Variants in CASK observed in about 807,000 individuals in gnomAD.
The protein encoded by CASK is peripheral plasma membrane protein CASK.
Under a neutral mutation model 82.9 loss-of-function variants are expected in CASK, and 4 were observed. The ratio of observed to expected loss-of-function variants is 0.05; its 90% CI spans 0.02 to 0.11. CASK has a LOEUF of 0.11. Among genes scored for constraint, CASK ranks in the 10% least tolerant of loss-of-function variants. The pLI is 1.00. For synonymous variants in CASK, 259 were observed against 253.5 expected (o/e 1.02, Z -0.20); for missense variants, 358 against 720.9 (o/e 0.50, Z 5.76).
At chrX:41,699,963 T>C (rs1266263587) in intron 5 of CASK, among the ~76,000 whole-genome samples, 2 of 112,138 alleles carry the variant, frequency 1.8e-5, no homozygotes, top group East Asian at 2.8e-4. Flanking sequence ...ACCCAAGGTT[T>C]AGTTCTAGAA....
chrX:41,745,633 A>G (rs1182666067), intron 3 of CASK, 32 bp from the exon 4 acceptor site: 1 of 1,009,262 alleles, frequency 9.9e-7, no homozygotes, highest in South Asian at 1.9e-5. Context: ...AACATAAGAA[A>G]AGAGGAAATT....
intron 17 of CASK, among the ~76,000 whole-genome samples, chrX:41,561,235 G>C (rs748125945): frequency 4.5e-5 from 5 of 111,019 alleles, no homozygotes; most frequent in Non-Finnish European, 9.4e-5. Flanking sequence ...CAGGAGAGTT[G>C]AGGTCAGTGA....
intron 1 of CASK, among the ~76,000 whole-genome samples, chrX:41,912,570 C>T (rs984567943): frequency 9.3e-6 from 1 of 107,737 alleles, no homozygotes; most frequent in Non-Finnish European, 1.9e-5. Context: ...AGCCTTCCAA[C>T]GTGCTGGGAT....
Position 41,609,901 on chromosome X carries a change from T to C in CASK, c.1155+3A>G. 8.3e-7 allele frequency: 1 copy of C among 1,209,281 alleles called. No individual in the cohort carries two copies. Among genetic ancestry groups the C allele is most frequent in the Non-Finnish European group, 1.1e-6 (1 of 893,507 alleles). On this transcript the variant is annotated splice_donor_region_variant and intron_variant, in intron 12 of 26. Coordinates refer to ENST00000378163, the MANE Select transcript of CASK (RefSeq NM_001367721.1). The stretch of plus-strand genomic sequence containing the variant: ...AAGAAGAATAATAAAAAGACAGACT[T>C]ACATCTAGTAGTGTGTGAAGATGCT...
chrX:41,670,719 C>T (rs913210124), intron 6 of CASK, among the ~76,000 whole-genome samples: 7 of 109,701 alleles, frequency 6.4e-5, no homozygotes, highest in African/African-American at 1.7e-4. Flanking sequence ...TGCCACTGTG[C>T]GCTCCAGCCT....
intron 5 of CASK, among the ~76,000 whole-genome samples, chrX:41,725,293 T>TG (rs1431867226): frequency 9.0e-6 from 1 of 111,491 alleles, no homozygotes; most frequent in Non-Finnish European, 1.9e-5. Flanking sequence ...ATATCATATT[T>TG]GAAAAAAAAC....
chrX:41,710,081 T>TTGTGTG (rs57963407), intron 5 of CASK, among the ~76,000 whole-genome samples: 12,338 of 71,956 alleles, frequency 0.17, 1,063 homozygotes, highest in Non-Finnish European at 0.19. Flanking sequence ...GGTATAGATT[T>TTGTGTG]TGTGTGTGTG....
intron 5 of CASK, chrX:41,728,201 AAC>A (rs2068303707): frequency 5.6e-6 from 2 of 354,351 alleles, no homozygotes; most frequent in African/African-American, 5.3e-5. Context: ...AAACTCAAAA[AAC>A]AGTTATACTG....
intron 25 of CASK, among the ~76,000 whole-genome samples, chrX:41,525,629 C>T (rs145764238): frequency 0.011 from 1,273 of 111,230 alleles, 18 homozygotes; most frequent in African/African-American, 0.04. Flanking sequence ...CCCAATATGG[C>T]ACCCAGCATA....
intron 3 of CASK, among the ~76,000 whole-genome samples, chrX:41,776,435 A>T (rs2069366724): frequency 8.8e-6 from 1 of 113,012 alleles, no homozygotes; most frequent in South Asian, 3.6e-4. Flanking sequence ...AAATAAGCAG[A>T]GATAACTGCC....
intron 3 of CASK, among the ~76,000 whole-genome samples, chrX:41,749,041 T>C (rs2068742465): frequency 9.0e-6 from 1 of 111,244 alleles, no homozygotes; most frequent in African/African-American, 3.3e-5. Context: ...TCTCAGCGCT[T>C]TGGGAGGCCG....
intron 5 of CASK, among the ~76,000 whole-genome samples, chrX:41,674,333 T>TA (rs1361589800): frequency 9.0e-6 from 1 of 110,915 alleles, no homozygotes; most frequent in Non-Finnish European, 1.9e-5. Context: ...GACAGAAGGC[T>TA]AAAAAAGGAA....
At chrX:41,570,098 G>A (rs1410284869) in intron 15 of CASK, among the ~76,000 whole-genome samples, 1 of 104,867 alleles carries the variant, frequency 9.5e-6, no homozygotes, top group African/African-American at 3.5e-5. Context: ...CACCTCCAGG[G>A]TTCAAGTGAT....
intron 1 of CASK, among the ~76,000 whole-genome samples, chrX:41,921,577 C>T (rs1016908140): frequency 1.8e-5 from 2 of 111,224 alleles, no homozygotes; most frequent in Non-Finnish European, 3.8e-5. Flanking sequence ...TTTAACAGGA[C>T]ACATTTGGAT....
chrX:41,609,853 G>A (rs374545811), intron 12 of CASK, 51 bp downstream of exon 12: 32 of 1,190,047 alleles, frequency 2.7e-5, no homozygotes, highest in Admixed American at 4.4e-5. Flanking sequence ...CACCGTGCCC[G>A]GCCAATATTC....
At chrX:41,527,100 C>A (rs2064723867) in intron 25 of CASK, among the ~76,000 whole-genome samples, 1 of 111,224 alleles carries the variant, frequency 9.0e-6, no homozygotes, top group Non-Finnish European at 1.9e-5. Context: ...AACCCTCTTC[C>A]TTTCTGACTC....
In CASK at chrX:41,804,249, G is replaced by T. The variant is rs774941724; in HGVS notation, c.173-16966C>A. ...TGTGGTCCCAGCTGCTCGGGAAGCT[G>T]AGGCATGATAACTGCTTGAACCCGG... is the stretch of plus-strand genomic sequence containing the variant. On this transcript the variant is annotated intron_variant, in intron 2 of 26. Transcript: ENST00000378163. 1.3e-4 allele frequency among the ~76,000 whole-genome samples: 14 copies of T among 110,960 alleles called. No homozygotes were observed. In the South Asian group the frequency reaches 5.0e-3, roughly 40 times the overall value.
intron 21 of CASK, among the ~76,000 whole-genome samples, chrX:41,546,532 A>G (rs1489967976): frequency 8.9e-6 from 1 of 112,329 alleles, no homozygotes; most frequent in African/African-American, 3.2e-5. Context: ...CAGTGGCACA[A>G]TCTTGGCTCA....
At chrX:41,714,784 C>T (rs923896077) in intron 5 of CASK, among the ~76,000 whole-genome samples, 1 of 111,965 alleles carries the variant, frequency 8.9e-6, no homozygotes, top group African/African-American at 3.3e-5. Flanking sequence ...CTGAAATACC[C>T]ATGCTTTCTC....
Sources: allele counts gnomAD v4.1 joint callset (sites outside exome capture counted in the v4.1 genomes callset), GRCh38; gene constraint gnomAD v4.1.1; transcripts MANE v1.5; gene names NCBI Gene and HGNC (gene_info 2026-07-23, HGNC 2026-07-21).